The following GLRB variants were observed in gnomAD, a reference collection of about 807,000 sequenced individuals.
The protein encoded by GLRB is glycine receptor subunit beta.
In GLRB, 33 loss-of-function variants were observed where a neutral mutation model predicts 54.2. The observed-to-expected ratio is 0.61, with a 90% CI of 0.46 to 0.81. The LOEUF is 0.81. GLRB is among the 40% of genes least tolerant of loss of function. GLRB has a pLI of 0.00. For synonymous variants in GLRB, 209 were observed against 208.2 expected (o/e 1.00, Z -0.03); for missense variants, 572 against 584.6 (o/e 0.98, Z 0.22).
intron 6 of GLRB, among the ~76,000 whole-genome samples, chr4:157,138,455 G>T (rs186866290): frequency 6.6e-6 from 1 of 152,270 alleles, no homozygotes; most frequent in Admixed American, 6.5e-5. Context: ...GATTGTAAAT[G>T]TATACGTTCA....
chr4:157,115,525 G>T (rs1735578890), intron 2 of GLRB, among the ~76,000 whole-genome samples: 1 of 151,714 alleles, frequency 6.6e-6, no homozygotes, highest in Admixed American at 6.6e-5. Context: ...GTATCTTGCT[G>T]TGTCTGAAAA....
chr4:157,142,187 T>A (rs1736641696), intron 7 of GLRB, among the ~76,000 whole-genome samples: 1 of 152,110 alleles, frequency 6.6e-6, no homozygotes, highest in Admixed American at 6.6e-5. Flanking sequence ...CATATGTTCT[T>A]ATTTGTCCAG....
At chr4:157,136,417 C>A in intron 4 of GLRB, 52 bp from the exon 5 acceptor site, 1 of 1,065,178 alleles carries the variant, frequency 9.4e-7, no homozygotes, top group Non-Finnish European at 1.5e-6. Context: ...CGAATAAGTT[C>A]TTAAAAATAG....
chr4:157,088,866 A>G (rs114130586), intron 2 of GLRB, among the ~76,000 whole-genome samples: 2,693 of 152,172 alleles, frequency 0.018, 61 homozygotes, highest in African/African-American at 0.059. Flanking sequence ...TATAGTTTTT[A>G]TATTCCTATT....
intron 9 of GLRB, among the ~76,000 whole-genome samples, chr4:157,163,686 T>G (rs1467789462): frequency 6.6e-6 from 1 of 152,148 alleles, no homozygotes; most frequent in Non-Finnish European, 1.5e-5. Flanking sequence ...GCATTTCCAC[T>G]TGCTGGCTTC....
At chr4:157,149,102 A>G (rs75196788) in intron 8 of GLRB, among the ~76,000 whole-genome samples, 6,537 of 152,094 alleles carry the variant, frequency 0.043, 142 homozygotes, top group African/African-American at 0.059. Context: ...TTTTTCCCCT[A>G]CATTCTCCCA....
At chr4:157,161,099 T>C (rs1353485422) in intron 9 of GLRB, among the ~76,000 whole-genome samples, 1 of 152,210 alleles carries the variant, frequency 6.6e-6, no homozygotes, top group African/African-American at 2.4e-5. Flanking sequence ...GCCTTCTTTG[T>C]CTCTTTTGAT....
chr4:157,123,955 A>G (rs899282682), intron 4 of GLRB, among the ~76,000 whole-genome samples: 17 of 151,800 alleles, frequency 1.1e-4, no homozygotes, highest in Non-Finnish European at 1.8e-4. Context: ...TGCATATGTC[A>G]TAGCTCAGTA....
chr4:157,114,064 T>A (rs1385805539), intron 2 of GLRB, among the ~76,000 whole-genome samples: 1 of 152,022 alleles, frequency 6.6e-6, no homozygotes, highest in Non-Finnish European at 1.5e-5. Context: ...GCTGAATACA[T>A]GAAGTATTTG....
intron 2 of GLRB, among the ~76,000 whole-genome samples, chr4:157,103,939 T>TTG (rs34144061): frequency 0.07 from 10,334 of 148,604 alleles, 457 homozygotes; most frequent in East Asian, 0.21. Context: ...GTGTGTGTGT[T>TTG]TGTGTGTGTG....
chr4:157,106,656 C>G (rs542844829), intron 2 of GLRB, among the ~76,000 whole-genome samples: 1 of 152,012 alleles, frequency 6.6e-6, no homozygotes, highest in Admixed American at 6.6e-5. Flanking sequence ...TTGAGGCTCC[C>G]TGGTATTTGG....
At chr4:157,147,555 A>G (rs1311929287) in intron 8 of GLRB, among the ~76,000 whole-genome samples, 1 of 152,226 alleles carries the variant, frequency 6.6e-6, no homozygotes, top group Non-Finnish European at 1.5e-5. Context: ...CTAGGGTAAG[A>G]ATAAAAGTCA....
At chr4:157,147,889 A>G (rs183025701) in intron 8 of GLRB, among the ~76,000 whole-genome samples, 4 of 152,356 alleles carry the variant, frequency 2.6e-5, no homozygotes, top group Admixed American at 6.5e-5. Flanking sequence ...CTCTGCTCTT[A>G]CCTGTTCTAT....
intron 2 of GLRB, among the ~76,000 whole-genome samples, chr4:157,104,400 A>G (rs1345016623): frequency 6.6e-6 from 1 of 152,096 alleles, no homozygotes; most frequent in Non-Finnish European, 1.5e-5. Flanking sequence ...TATCCTGGTT[A>G]TATATCCCAC....
intron 9 of GLRB, among the ~76,000 whole-genome samples, chr4:157,162,353 C>A (rs780438594): frequency 6.6e-6 from 1 of 152,222 alleles, no homozygotes; most frequent in African/African-American, 2.4e-5. Flanking sequence ...CAAAGTCATT[C>A]TCCATCCAGC....
At chr4:157,109,872 G>A (rs1735354153) in intron 2 of GLRB, among the ~76,000 whole-genome samples, 1 of 152,024 alleles carries the variant, frequency 6.6e-6, no homozygotes, top group South Asian at 2.1e-4. Context: ...ACAGAACGAG[G>A]CATGTGAGAA....
intron 3 of GLRB, among the ~76,000 whole-genome samples, chr4:157,121,586 A>G (rs1735823628): frequency 6.6e-6 from 1 of 151,540 alleles, no homozygotes; most frequent in South Asian, 2.1e-4. Context: ...ACTTTCAACA[A>G]CAGCCATGGT....
At chr4:157,133,666 A>C (rs1244351890) in intron 4 of GLRB, among the ~76,000 whole-genome samples, 1 of 152,146 alleles carries the variant, frequency 6.6e-6, no homozygotes, top group East Asian at 1.9e-4. Context: ...CTAGGGATTT[A>C]GATGGAATTT....
chr4:157,165,413 A>G (rs1219360387), intron 9 of GLRB, among the ~76,000 whole-genome samples: 2 of 152,024 alleles, frequency 1.3e-5, no homozygotes, highest in Non-Finnish European at 2.9e-5. Flanking sequence ...TTGTTATTCA[A>G]TAGAATAACA....
Sources: allele counts gnomAD v4.1 joint callset (sites outside exome capture counted in the v4.1 genomes callset), GRCh38; gene constraint gnomAD v4.1.1; transcripts MANE v1.5; gene names NCBI Gene and HGNC (gene_info 2026-07-23, HGNC 2026-07-21).